The following MEGF11 variants were observed in gnomAD, a reference collection of about 807,000 sequenced individuals.
MEGF11 encodes multiple epidermal growth factor-like domains protein 11.
A neutral mutation model predicts 146.6 loss-of-function variants in MEGF11; 126 were observed. That is an observed-to-expected ratio of 0.86 (90% CI 0.74 to 1.00). MEGF11 has a LOEUF of 1.00. Among genes scored for constraint, MEGF11 ranks in the 50% least tolerant of loss-of-function variants. MEGF11 has a pLI of 0.00. For synonymous variants in MEGF11, 532 were observed against 583.4 expected (o/e 0.91, Z 1.27); for missense variants, 1,509 against 1,521.2 (o/e 0.99, Z 0.13).
chr15:66,052,735 T>C (rs1410032100), intron 5 of MEGF11, among the ~76,000 whole-genome samples: 3 of 152,140 alleles, frequency 2.0e-5, no homozygotes, highest in Non-Finnish European at 4.4e-5. Flanking sequence ...ACTAGGGGGC[T>C]TCTAGGAACC....
intron 1 of MEGF11, among the ~76,000 whole-genome samples, chr15:66,149,557 T>C (rs1021911176): frequency 1.3e-5 from 2 of 152,124 alleles, no homozygotes; most frequent in Non-Finnish European, 2.9e-5. Context: ...AGCAGTTACC[T>C]TCCTGAGCTC....
At chr15:66,119,215 A>G (rs760441752) in intron 3 of MEGF11, 29 bp from the exon 4 acceptor site, 43 of 1,451,828 alleles carry the variant, frequency 3.0e-5, no homozygotes, top group Non-Finnish European at 3.7e-5. Context: ...AGCCACTTGA[A>G]AGTATTGAAA....
chr15:66,066,389 C>A (rs2085126761), intron 5 of MEGF11, among the ~76,000 whole-genome samples: 1 of 152,178 alleles, frequency 6.6e-6, no homozygotes. Flanking sequence ...GGCAGTGTTT[C>A]TCTAGAATTG....
At chr15:66,191,040 C>T (rs7164231) in intron 1 of MEGF11, among the ~76,000 whole-genome samples, 80,367 of 151,874 alleles carry the variant, frequency 0.53, 21,539 homozygotes, top group East Asian at 0.69. Context: ...GGACACAGCC[C>T]GGCTGGACTT....
intron 5 of MEGF11, among the ~76,000 whole-genome samples, chr15:66,025,100 G>GAACGTT (rs947059718): frequency 3.9e-5 from 6 of 152,222 alleles, no homozygotes; most frequent in African/African-American, 1.4e-4. Flanking sequence ...TGCCCAGAAA[G>GAACGTT]AACGTTAACT....
chr15:65,919,050 C>T (rs2079091858), intron 15 of MEGF11, among the ~76,000 whole-genome samples: 1 of 152,146 alleles, frequency 6.6e-6, no homozygotes, highest in Non-Finnish European at 1.5e-5. Flanking sequence ...ACATGACTTC[C>T]CCAGGGCCCA....
intron 5 of MEGF11, among the ~76,000 whole-genome samples, chr15:66,017,278 C>T (rs1169779032): frequency 1.3e-5 from 2 of 152,250 alleles, no homozygotes; most frequent in African/African-American, 4.8e-5. Flanking sequence ...ACTGCTGGTG[C>T]CCCTGGGTCC....
At chr15:66,204,230 C>T (rs565777171) in intron 1 of MEGF11, among the ~76,000 whole-genome samples, 10 of 152,092 alleles carry the variant, frequency 6.6e-5, no homozygotes, top group South Asian at 4.2e-4. Flanking sequence ...GGTGAAACCC[C>T]GTCTCTACAA....
At chr15:65,950,320 C>T (rs997999036) in intron 10 of MEGF11, among the ~76,000 whole-genome samples, 3 of 152,158 alleles carry the variant, frequency 2.0e-5, no homozygotes, top group African/African-American at 4.8e-5. Context: ...TATAGTGGCT[C>T]ACGCCTGGAA....
At chr15:66,084,615 G>A (rs2086025320) in intron 5 of MEGF11, among the ~76,000 whole-genome samples, 1 of 152,226 alleles carries the variant, frequency 6.6e-6, no homozygotes, top group Non-Finnish European at 1.5e-5. Flanking sequence ...AGAGAGCCGA[G>A]TAAAATACAG....
chr15:66,224,772 C>T (rs1311857217), intron 1 of MEGF11, among the ~76,000 whole-genome samples: 2 of 147,196 alleles, frequency 1.4e-5, no homozygotes, highest in Admixed American at 6.8e-5. Context: ...AAATAAAGTA[C>T]CTGTCATAGC....
chr15:66,218,994 A>AAAAAAAAAAC (rs2091662787), intron 1 of MEGF11, among the ~76,000 whole-genome samples: 1 of 151,408 alleles, frequency 6.6e-6, no homozygotes, highest in Non-Finnish European at 1.5e-5. Context: ...AAAAAAAAAA[A>AAAAAAAAAAC]AACCTTAACC....
At chr15:66,183,248 C>T (rs767688193) in intron 1 of MEGF11, among the ~76,000 whole-genome samples, 8 of 152,062 alleles carry the variant, frequency 5.3e-5, no homozygotes, top group Non-Finnish European at 8.8e-5. Flanking sequence ...GCCTGTAATC[C>T]CAGCACTTTG....
chr15:66,124,304 G>A (rs1447193795), intron 2 of MEGF11, among the ~76,000 whole-genome samples: 1 of 152,208 alleles, frequency 6.6e-6, no homozygotes, highest in African/African-American at 2.4e-5. Flanking sequence ...GTTTTATTCT[G>A]TGTGGCTCTG....
At chr15:65,950,695 T>C (rs111779721) in intron 10 of MEGF11, among the ~76,000 whole-genome samples, 252 of 152,194 alleles carry the variant, frequency 1.7e-3, no homozygotes, top group African/African-American at 5.9e-3. Flanking sequence ...ACAGCTAATA[T>C]GCAGCAAAGC....
chr15:66,069,895 G>C (rs2085292569), intron 5 of MEGF11, among the ~76,000 whole-genome samples: 1 of 152,210 alleles, frequency 6.6e-6, no homozygotes, highest in South Asian at 2.1e-4. Context: ...AGGCAATCCA[G>C]AAATGAATAG....
intron 5 of MEGF11, among the ~76,000 whole-genome samples, chr15:65,983,339 G>A (rs2081729314): frequency 6.6e-6 from 1 of 152,198 alleles, no homozygotes; most frequent in Admixed American, 6.5e-5. Context: ...CTATGGAAAG[G>A]GGCTGAGTAG....
chr15:66,247,862 C>T (rs144220879), intron 1 of MEGF11, among the ~76,000 whole-genome samples: 7,820 of 152,024 alleles, frequency 0.051, 654 homozygotes, highest in African/African-American at 0.18. Flanking sequence ...CATGGAGAAA[C>T]CCCATCTCTA....
chr15:66,223,583 C>T (rs11637593), intron 1 of MEGF11, among the ~76,000 whole-genome samples: 85,256 of 151,896 alleles, frequency 0.56, 24,791 homozygotes, highest in Non-Finnish European at 0.66. Context: ...ATTAGCCAGG[C>T]GTGGTGGCAC....
Sources: allele counts gnomAD v4.1 joint callset (sites outside exome capture counted in the v4.1 genomes callset), GRCh38; gene constraint gnomAD v4.1.1; transcripts MANE v1.5; gene names NCBI Gene and HGNC (gene_info 2026-07-23, HGNC 2026-07-21).